Variants in PCDHGA5 observed in about 807,000 individuals in gnomAD.
The protein encoded by PCDHGA5 is protocadherin gamma subfamily A, 5, also known as protocadherin gamma-A5.
Under a neutral mutation model 56.7 loss-of-function variants are expected in PCDHGA5, and 36 were observed. The observed-to-expected ratio is 0.64, with a 90% CI of 0.49 to 0.84. The LOEUF (loss-of-function observed/expected upper bound fraction) is 0.84, where lower values mean the gene tolerates loss of function less well. Ranked by LOEUF, PCDHGA5 falls within the 40% of genes least tolerant of loss-of-function variation. The pLI is 0.00. For synonymous variants in PCDHGA5, 563 were observed against 520.2 expected (o/e 1.08, Z -1.12); for missense variants, 1,305 against 1,201.5 (o/e 1.09, Z -1.27).
rs936419038 is a variant in PCDHGA5 at position 141,493,313 on chromosome 5, G to T, written c.2422-1494G>T. On this transcript the variant is annotated intron_variant, in intron 1 of 3. Transcript: ENST00000518069. This position sits in a 1 kb window ranked among gnomAD's most constrained non-coding sequence, Gnocchi z 4.3. ...TCAAGTTCACAGAGCAAGTAAGAGA[G>T]ATTCTAACCCCTGTCTAACTCCAGA... Among the ~76,000 whole-genome samples, 4 of 152,214 alleles carry T rather than the reference G, an allele frequency of 2.6e-5. No individual in the cohort carries two copies. Among genetic ancestry groups the T allele is most frequent in the Non-Finnish European group, 4.4e-5 (3 of 68,040 alleles).
rs1449911634 is a variant in PCDHGA5 at position 141,384,593 on chromosome 5, C to T, written c.2421+17842C>T. On this transcript the variant is annotated intron_variant, in intron 1 of 3. Transcript: ENST00000518069. ...GACAACCCGCCCGAGATCCTGTACC[C>T]GGCCCTCCCCACAGATGGTTCTACT... 3 of 1,614,252 alleles carry T rather than the reference C, an allele frequency of 1.9e-6. No individual in the cohort carries two copies. The highest frequency in any genetic ancestry group is 4.5e-5 in the East Asian group (2 of 44,888).
intron 1 of PCDHGA5, chr5:141,388,772 C>T (rs747075769): frequency 1.2e-6 from 2 of 1,613,798 alleles, no homozygotes; most frequent in Non-Finnish European, 1.7e-6. Flanking sequence ...ACTCTAACAC[C>T]GGGGAAATTA....
At chr5:141,373,722 C>T (rs1260568332) in intron 1 of PCDHGA5, among the ~76,000 whole-genome samples, 1 of 152,202 alleles carries the variant, frequency 6.6e-6, no homozygotes, top group Non-Finnish European at 1.5e-5. Flanking sequence ...CTCTTACACT[C>T]TTCTAAATGC....
rs143509166 is a variant in PCDHGA5 at position 141,395,182 on chromosome 5, C to T, written c.2421+28431C>T. On this transcript the variant is annotated intron_variant, in intron 1 of 3. Transcript: ENST00000518069. ...CAGGAGGGCTGTGAGAAAAATGATT[C>T]TTTGTTAACATCCGTAGATTTTCAT... 141 of 1,614,114 alleles carry T rather than the reference C, an allele frequency of 8.7e-5. 2 individuals are homozygous for T. The Middle Eastern group carries it at 1.8e-3, about 21-fold the overall frequency.
chr5:141,488,158 G>A (rs534297140), intron 1 of PCDHGA5, among the ~76,000 whole-genome samples: 4 of 152,328 alleles, frequency 2.6e-5, no homozygotes, highest in South Asian at 2.1e-4. Context: ...AGAGAGGCAC[G>A]CATCAGAGTG....
intron 1 of PCDHGA5, chr5:141,374,190 C>T: frequency 6.2e-7 from 1 of 1,613,820 alleles, no homozygotes; most frequent in Non-Finnish European, 8.5e-7. Context: ...TACTCTATTC[C>T]CGAGGAGCTG....
At chr5:141,494,363 T>C (rs1264801258) in intron 1 of PCDHGA5, among the ~76,000 whole-genome samples, 1 of 152,206 alleles carries the variant, frequency 6.6e-6, no homozygotes, top group Non-Finnish European at 1.5e-5. Context: ...CTGCAGAGGA[T>C]GCTTTGTTCC....
intron 2 of PCDHGA5, among the ~76,000 whole-genome samples, chr5:141,500,614 C>T (rs1300242596): frequency 1.3e-5 from 2 of 152,204 alleles, no homozygotes; most frequent in African/African-American, 4.8e-5. Context: ...TATTCCCAGT[C>T]ATACGGTACA....
chr5:141,427,149 A>G (rs1303323489), intron 1 of PCDHGA5: 1 of 456,850 alleles, frequency 2.2e-6, no homozygotes, highest in Non-Finnish European at 4.4e-6. Context: ...TATTGGAAAT[A>G]TGTTTGTGCT....
At position 141,400,239 on chromosome 5, in the gene PCDHGA5, T is replaced by G. The variant is rs1306520918; in HGVS notation, c.2421+33488T>G. Reference sequence around the variant, plus strand: ...CAGTGCTCTTCCTCCTGGCCGTGATTCTGGCCGTTGCCTTGCGCCTGCGAC... The same window carrying G: ...CAGTGCTCTTCCTCCTGGCCGTGATGCTGGCCGTTGCCTTGCGCCTGCGAC... On this transcript the variant is annotated intron_variant, in intron 1 of 3. Coordinates refer to ENST00000518069, the MANE Select transcript of PCDHGA5 (RefSeq NM_018918.3). 1.9e-6 allele frequency: 3 copies of G among 1,614,054 alleles called. No individual in the cohort carries two copies. The highest frequency in any genetic ancestry group is 2.2e-5 in the East Asian group (1 of 44,880).
At chr5:141,393,021 G>A (rs758868753) in intron 1 of PCDHGA5, 1 of 1,613,850 alleles carries the variant, frequency 6.2e-7, no homozygotes, top group Non-Finnish European at 8.5e-7. Context: ...CGTCTCCAGA[G>A]GTAGGACGCA....
At position 141,366,251 on chromosome 5, in the gene PCDHGA5, A is replaced by T; in HGVS notation, c.1921A>T (p.Ser641Cys). ...ALLDRDALKQ[S>C]LVVAVEDHGQ... is the part of the protein sequence containing the mutation. ...GCTGGACAGAGACGCGCTCAAGCAG[A>T]GCCTCGTGGTGGCCGTCGAAGACCA... The change falls in exon 1 of 4, where the codon AGC (serine) becomes TGC (cysteine). Residue 641 changes from serine to cysteine, a missense_variant. Coordinates refer to ENST00000518069, the MANE Select transcript of PCDHGA5 (RefSeq NM_018918.3). The T allele has an allele frequency of 6.2e-7, 1 of 1,613,620 alleles. No homozygotes were observed. Among genetic ancestry groups the T allele is most frequent in the East Asian group, 2.2e-5 (1 of 44,902 alleles).
intron 1 of PCDHGA5, chr5:141,413,907 G>C (rs745956130): frequency 6.2e-7 from 1 of 1,613,270 alleles, no homozygotes; most frequent in Non-Finnish European, 8.5e-7. Context: ...ACAACGCGCC[G>C]GTCTTCACCT....
intron 1 of PCDHGA5, chr5:141,419,448 TC>T: frequency 6.2e-7 from 1 of 1,612,980 alleles, no homozygotes; most frequent in Non-Finnish European, 8.5e-7. Context: ...ACCTTCGAGC[TC>T]ACGCTGCAGG....
intron 1 of PCDHGA5, among the ~76,000 whole-genome samples, chr5:141,435,794 C>T (rs993951734): frequency 2.6e-5 from 4 of 151,934 alleles, no homozygotes; most frequent in Admixed American, 6.6e-5. Flanking sequence ...GGAAACATAA[C>T]GTCCCAATTA....
At chr5:141,448,150 C>T (rs1182411283) in intron 1 of PCDHGA5, among the ~76,000 whole-genome samples, 4 of 151,924 alleles carry the variant, frequency 2.6e-5, no homozygotes, top group Non-Finnish European at 5.9e-5. Flanking sequence ...CTCAGACTCA[C>T]CCCTGAAAGA....
intron 2 of PCDHGA5, among the ~76,000 whole-genome samples, chr5:141,502,478 A>G (rs2099814452): frequency 6.6e-6 from 1 of 150,896 alleles, no homozygotes; most frequent in Non-Finnish European, 1.5e-5. Flanking sequence ...CCGCAGCATC[A>G]CACTGGGACT....
chr5:141,454,128 C>T (rs988254902), intron 1 of PCDHGA5, among the ~76,000 whole-genome samples: 4 of 152,122 alleles, frequency 2.6e-5, no homozygotes, highest in African/African-American at 7.2e-5. Flanking sequence ...AATAGCTGAC[C>T]ATGGGAATGT....
In PCDHGA5 at chr5:141,365,729, A is replaced by G; in HGVS notation, c.1399A>G (p.Arg467Gly). 2 of 1,613,792 alleles carry G rather than the reference A, an allele frequency of 1.2e-6. No homozygotes were observed. Among genetic ancestry groups the G allele is most frequent in the South Asian group, 2.2e-5 (2 of 91,082 alleles). The change falls in exon 1 of 4, where the codon AGA becomes GGA. Residue 467 changes from arginine to glycine, a missense_variant. Coordinates refer to ENST00000518069, the MANE Select transcript of PCDHGA5 (RefSeq NM_018918.3). Reference sequence around the variant, plus strand: ...CACCTCTGTCACAGAAAACAATCCCAGAGGTGTCTCTATCTTCTCTGTGAC... The same window carrying G: ...CACCTCTGTCACAGAAAACAATCCCGGAGGTGTCTCTATCTTCTCTGTGAC... Reference protein sequence around the residue: ...YSTSVTENNPRGVSIFSVTAH... With the variant: ...YSTSVTENNPGGVSIFSVTAH...
Sources: gnomAD v4.1 joint callset for allele counts (sites outside exome capture counted in the v4.1 genomes callset) on GRCh38, gnomAD v4.1.1 for gene constraint, Gnocchi (gnomAD v3.1) non-coding constraint, MANE v1.5 for transcripts, NCBI Gene and HGNC (gene_info 2026-07-23, HGNC 2026-07-21) for gene names.